ADAM9: variants seen among roughly 807,000 people sequenced by gnomAD.
ADAM9 encodes the protein disintegrin and metalloproteinase domain-containing protein 9.
Under a neutral mutation model 108.1 loss-of-function variants are expected in ADAM9, and 54 were observed. That is an observed-to-expected ratio of 0.50 (90% CI 0.40 to 0.63). ADAM9 has a LOEUF of 0.63. Ranked by LOEUF, ADAM9 falls within the 20% of genes least tolerant of loss-of-function variation. The pLI, the probability that ADAM9 is intolerant of heterozygous loss-of-function variation, is 0.00. For synonymous variants in ADAM9, 316 were observed against 336.0 expected (o/e 0.94, Z 0.65); for missense variants, 830 against 997.7 (o/e 0.83, Z 2.26).
intron 12 of ADAM9, among the ~76,000 whole-genome samples, chr8:39,045,410 G>A (rs200424340): frequency 0.018 from 391 of 21,812 alleles, 96 homozygotes; most frequent in African/African-American, 0.05. Context: ...ACCTATATGT[G>A]CGCGTGTGTA....
At chr8:39,047,860 T>A (rs1259848813) in intron 12 of ADAM9, among the ~76,000 whole-genome samples, 1 of 152,060 alleles carries the variant, frequency 6.6e-6, no homozygotes, top group Non-Finnish European at 1.5e-5. Context: ...ATTTCTTGGG[T>A]TGTAAAGTTA....
intron 1 of ADAM9, among the ~76,000 whole-genome samples, chr8:39,002,977 A>G (rs1409935971): frequency 6.6e-6 from 1 of 151,958 alleles, no homozygotes; most frequent in African/African-American, 2.4e-5. Context: ...ATCCTGGCTC[A>G]AGTGGTCTCG....
intron 14 of ADAM9, among the ~76,000 whole-genome samples, chr8:39,068,075 G>A (rs185232149): frequency 1.8e-4 from 27 of 152,066 alleles, no homozygotes; most frequent in African/African-American, 6.5e-4. Flanking sequence ...TGTTTAAAAA[G>A]TTTTCTTTCT....
intron 21 of ADAM9, 96 bp downstream of exon 21, chr8:39,102,026 G>A: frequency 1.9e-6 from 2 of 1,041,712 alleles, no homozygotes; most frequent in Non-Finnish European, 3.0e-6. Context: ...TTTAGTGAAA[G>A]GTATTTATTG....
Position 39,045,343 on chromosome 8 carries a change from C to CGTGTGTGT in ADAM9, c.1302+3226_1302+3227insGTGTGTGT. On this transcript the variant is annotated intron_variant, in intron 12 of 21. Coordinates refer to ENST00000487273, the MANE Select transcript of ADAM9 (RefSeq NM_003816.3). Reference sequence around the variant, plus strand: ...CTATACATGTGTGTGTACACCTATACATGTGTGTACATACATATAGGTGTG... The same window carrying CGTGTGTGT: ...CTATACATGTGTGTGTACACCTATACGTGTGTGTATGTGTGTACATACATATAGGTGTG... Among the ~76,000 whole-genome samples the CGTGTGTGT allele has an allele frequency of 4.2e-5, 5 of 118,900 alleles. 1 individual carries two copies. Among genetic ancestry groups the CGTGTGTGT allele is most frequent in the Admixed American group, 8.4e-5 (1 of 11,904 alleles). The allele number at this position is 118,900 out of a possible 152,430, so 78.0% of individuals were successfully genotyped here. A position where few individuals can be genotyped will look rare whatever the true frequency, so the allele number is the denominator to read the frequency against.
At chr8:39,041,131 T>C (rs1220008364) in intron 11 of ADAM9, among the ~76,000 whole-genome samples, 4 of 152,050 alleles carry the variant, frequency 2.6e-5, no homozygotes, top group East Asian at 1.9e-4. Flanking sequence ...CTCAAAGATA[T>C]AGGTGATGTA....
intron 4 of ADAM9, chr8:39,014,824 C>CTTTAG (rs58485054): frequency 0.8 from 309,411 of 388,778 alleles, 124,398 homozygotes; most frequent in East Asian, 0.94. Context: ...GCAAAAAAAT[C>CTTTAG]TTTAGATTAA....
chr8:39,028,948 C>T (rs774958311), intron 11 of ADAM9, among the ~76,000 whole-genome samples: 3 of 151,832 alleles, frequency 2.0e-5, no homozygotes, highest in African/African-American at 7.3e-5. Context: ...AAAACCACTC[C>T]CCTAAAGTCA....
chr8:39,034,734 A>G (rs1023033203), intron 11 of ADAM9, among the ~76,000 whole-genome samples: 10 of 152,020 alleles, frequency 6.6e-5, no homozygotes, highest in African/African-American at 2.2e-4. Context: ...TGAGATGTCA[A>G]GGTGTCAGAC....
chr8:39,064,339 T>C (rs185642368), intron 14 of ADAM9, among the ~76,000 whole-genome samples: 80 of 152,362 alleles, frequency 5.3e-4, no homozygotes, highest in Admixed American at 4.6e-3. Flanking sequence ...CTCAAAGTTC[T>C]GTTCCTCTGG....
At chr8:39,046,190 CTTG>C (rs1837767818) in intron 12 of ADAM9, among the ~76,000 whole-genome samples, 1 of 152,048 alleles carries the variant, frequency 6.6e-6, no homozygotes, top group Non-Finnish European at 1.5e-5. Flanking sequence ...TTTTTCCTCA[CTTG>C]TTAAGCTTAT....
chr8:39,058,008 C>T (rs537370872), intron 14 of ADAM9, among the ~76,000 whole-genome samples: 1 of 152,258 alleles, frequency 6.6e-6, no homozygotes, highest in South Asian at 2.1e-4. Context: ...CATAATTCCA[C>T]CTAGCATGAT....
At chr8:39,086,259 C>A (rs1839178568) in intron 18 of ADAM9, among the ~76,000 whole-genome samples, 1 of 152,200 alleles carries the variant, frequency 6.6e-6, no homozygotes, top group Non-Finnish European at 1.5e-5. Context: ...AAATGATTCA[C>A]CCACCTCAGC....
At chr8:39,080,577 A>G (rs1321299563) in intron 16 of ADAM9, among the ~76,000 whole-genome samples, 1 of 152,134 alleles carries the variant, frequency 6.6e-6, no homozygotes, top group Non-Finnish European at 1.5e-5. Flanking sequence ...CTAACACCCA[A>G]GTTTTCACAC....
At position 39,055,691 on chromosome 8, in the gene ADAM9, C is replaced by A. The variant is rs1838097567; in HGVS notation, c.1510C>A (p.Pro504Thr). The A allele has an allele frequency of 6.2e-7, 1 of 1,613,612 alleles. No homozygotes were observed. Among genetic ancestry groups the A allele is most frequent in the African/African-American group, 1.3e-5 (1 of 74,926 alleles). Residue 504 changes from proline (P) to threonine (T), a missense_variant, in exon 14 of 22, where the codon CCT becomes ACT. By Grantham distance (38) the Pro-to-Thr change is conservative. Around this residue, in one of 3 missense-constraint regions of ADAM9, gnomAD observed 381 missense variants for 539.8 expected, o/e 0.71. Coordinates refer to ENST00000487273, the MANE Select transcript of ADAM9 (RefSeq NM_003816.3). Reference protein sequence around the residue: ...QPDVFIQNGYPCQNNKAYCYN... With the variant: ...QPDVFIQNGYTCQNNKAYCYN... ...AGATGTTTTTATTCAGAATGGATAT[C>A]CTTGCCAGAATAACAAAGCCTATTG...
rs531563178 is a variant in ADAM9, at chr8:39,012,724, C to T, written c.254+1008C>T. Among the ~76,000 whole-genome samples, 11 of 152,232 alleles carry T rather than the reference C, an allele frequency of 7.2e-5. No individual in the cohort carries two copies. In the East Asian group the frequency reaches 2.1e-3, roughly 29 times the overall value. ...AAAAACCAAACACCACATGTTCTCACTCATAGGTGGGAATTGAACAATGAG... is the reference window on the plus strand; with the variant it reads ...AAAAACCAAACACCACATGTTCTCATTCATAGGTGGGAATTGAACAATGAG... On this transcript the variant is annotated intron_variant, in intron 3 of 21. Coordinates refer to ENST00000487273, the MANE Select transcript of ADAM9 (RefSeq NM_003816.3).
intron 14 of ADAM9, among the ~76,000 whole-genome samples, chr8:39,068,340 C>G (rs1158787354): frequency 6.6e-6 from 1 of 151,842 alleles, no homozygotes; most frequent in East Asian, 1.9e-4. Context: ...TGTTAAGATT[C>G]CCTTGTGAAG....
chr8:39,032,084 G>T (rs1323787011), intron 11 of ADAM9, among the ~76,000 whole-genome samples: 1 of 152,196 alleles, frequency 6.6e-6, no homozygotes, highest in African/African-American at 2.4e-5. Context: ...GGTGTCATTG[G>T]CCCCTACTGG....
intron 1 of ADAM9, among the ~76,000 whole-genome samples, chr8:39,007,643 G>A (rs1001327417): frequency 6.6e-6 from 1 of 152,194 alleles, no homozygotes; most frequent in Non-Finnish European, 1.5e-5. Flanking sequence ...TATTTATAAT[G>A]TTTGGATAAA....
Sources: allele counts gnomAD v4.1 joint callset (sites outside exome capture counted in the v4.1 genomes callset), GRCh38; gene constraint gnomAD v4.1.1; regional missense constraint gnomAD v4.1.1; transcripts MANE v1.5; gene names NCBI Gene and HGNC (gene_info 2026-07-23, HGNC 2026-07-21).